AKT3: variants seen among roughly 807,000 people sequenced by gnomAD.
AKT3 encodes the protein RAC-gamma serine/threonine-protein kinase.
In AKT3, 15 loss-of-function variants were observed where a neutral mutation model predicts 65.3. The ratio of observed to expected loss-of-function variants is 0.23; its 90% CI spans 0.15 to 0.35. The LOEUF (loss-of-function observed/expected upper bound fraction) is 0.35. Among genes scored for constraint, AKT3 ranks in the 10% least tolerant of loss-of-function variants. The probability of loss-of-function intolerance (pLI) is 1.00; values close to 1 mark genes in which losing one functional copy is unlikely to be tolerated. For missense variants in AKT3, 243 were observed against 576.5 expected, an observed-to-expected ratio of 0.42 and a Z score of 5.92; for synonymous variants, 206 against 183.8, an observed-to-expected ratio of 1.12 and a Z score of -0.98.
At chr1:243,832,160 A>AAAAAAAT (rs1572424209) in intron 2 of AKT3, among the ~76,000 whole-genome samples, 1 of 84,536 alleles carries the variant, frequency 1.2e-5, no homozygotes, top group East Asian at 3.3e-4. Context: ...AAAAAAAAAA[A>AAAAAAAT]AAAAGACTAG....
At chr1:243,609,180 T>A (rs1677672806) in intron 8 of AKT3, among the ~76,000 whole-genome samples, 1 of 151,882 alleles carries the variant, frequency 6.6e-6, no homozygotes, top group African/African-American at 2.4e-5. Flanking sequence ...CCAGTCATGA[T>A]AAATCAAGAA....
At chr1:243,524,790 A>G (rs1167964194) in intron 12 of AKT3, among the ~76,000 whole-genome samples, 2 of 152,204 alleles carry the variant, frequency 1.3e-5, no homozygotes, top group African/African-American at 4.8e-5. Context: ...CCTCCTCCAT[A>G]TAACTGTAAC....
intron 8 of AKT3, among the ~76,000 whole-genome samples, chr1:243,581,793 C>A (rs763999651): frequency 1.3e-5 from 2 of 151,542 alleles, no homozygotes; most frequent in Non-Finnish European, 2.9e-5. Context: ...GTAGGGATTG[C>A]AGTAAGCCCA....
rs192979757 is a variant in AKT3 at position 243,501,424 on chromosome 1, G to C, written c.*3825C>G. 3.0e-5 allele frequency: 7 copies of C among 233,110 alleles called. No homozygotes were observed. The highest frequency in any genetic ancestry group is 1.7e-4 in the Admixed American group (3 of 17,786). The allele number at this position is 233,110 out of a possible 1,614,324, so 14.4% of individuals were successfully genotyped here. The stretch of plus-strand genomic sequence containing the variant: ...CTGGGTCCAAACCGTGTGTTGTATA[G>C]ATGATTCGGGTCTGAATGTCCCCAG... On this transcript the variant is annotated 3_prime_UTR_variant, in exon 14 of 14. Transcript: ENST00000673466.
At position 243,847,959 on chromosome 1, in the gene AKT3, T is replaced by C. The variant is rs949296497; in HGVS notation, c.-113+2081A>G. 6.6e-5 allele frequency among the ~76,000 whole-genome samples: 10 copies of C among 152,284 alleles called. No homozygotes were observed. In the South Asian group the frequency reaches 1.5e-3, roughly 22 times the overall value. ...AAACAATTCACTCCAGTAATAATTA[T>C]GGAAAGAAAACCAAATGAATACAAA... On this transcript the variant is annotated intron_variant, in intron 1 of 13. Coordinates refer to ENST00000673466, the MANE Select transcript of AKT3 (RefSeq NM_005465.7).
At chr1:243,638,744 C>CT (rs939471824) in intron 5 of AKT3, among the ~76,000 whole-genome samples, 3 of 150,982 alleles carry the variant, frequency 2.0e-5, no homozygotes, top group Non-Finnish European at 1.5e-5. Context: ...CCTTTTATAA[C>CT]TTTTTTTTTC....
At chr1:243,845,599 A>AAAAAAAAAAAAG (rs1056722848) in intron 1 of AKT3, among the ~76,000 whole-genome samples, 3 of 146,524 alleles carry the variant, frequency 2.0e-5, no homozygotes, top group Non-Finnish European at 4.5e-5. Flanking sequence ...AAAAAAAAAA[A>AAAAAAAAAAAAG]AAAAGAAAAG....
rs991499743 is a variant in AKT3, at chr1:243,748,846, G to A, written c.47-53130C>T. On this transcript the variant is annotated intron_variant, in intron 2 of 13. Transcript: ENST00000673466. ...CTTTCAAAGCCCCAATCTTGAGTAC[G>A]TGTCAAGGTTAGCCTTACCATACGA... Among the ~76,000 whole-genome samples, 17 of 152,206 alleles carry A rather than the reference G, an allele frequency of 1.1e-4. 1 individual carries two copies. The East Asian group carries it at 1.7e-3, about 16-fold the overall frequency.
intron 2 of AKT3, among the ~76,000 whole-genome samples, chr1:243,805,731 T>C: frequency 6.6e-6 from 1 of 152,204 alleles, no homozygotes; most frequent in East Asian, 1.9e-4. Flanking sequence ...CCATTTTAGC[T>C]CTCTTGCTGT....
intron 5 of AKT3, among the ~76,000 whole-genome samples, chr1:243,638,503 CT>C (rs1680139771): frequency 6.6e-6 from 1 of 152,140 alleles, no homozygotes; most frequent in Admixed American, 6.6e-5. Context: ...AACTTCCAAA[CT>C]TTTGAAGGCA....
At position 243,657,418 on chromosome 1, in the gene AKT3, CTT is replaced by C. The variant is rs944853040; in HGVS notation, c.284+7352_284+7353del. Among the ~76,000 whole-genome samples, 10 of 152,082 alleles carry C rather than the reference CTT, an allele frequency of 6.6e-5. 1 individual carries two copies. Among genetic ancestry groups the C allele is most frequent in the Admixed American group, 2.0e-4 (3 of 15,274 alleles). On this transcript the variant is annotated intron_variant, in intron 4 of 13. Transcript: ENST00000673466. ...CAAAAGCATAAAAAAGAATAAAGTA[CTT>C]TAGGAATAAACTTAACCAAGAAGGT...
At chr1:243,663,658 G>C (rs1034896307) in intron 4 of AKT3, among the ~76,000 whole-genome samples, 1 of 152,112 alleles carries the variant, frequency 6.6e-6, no homozygotes, top group Non-Finnish European at 1.5e-5. Flanking sequence ...CTGATCAAAA[G>C]TGTTATTAAA....
chr1:243,823,698 G>C (rs1400301081), intron 2 of AKT3, among the ~76,000 whole-genome samples: 1 of 152,018 alleles, frequency 6.6e-6, no homozygotes, highest in East Asian at 1.9e-4. Context: ...AAATACATAG[G>C]AATAGAGCTA....
chr1:243,682,847 T>C (rs1351882430), intron 3 of AKT3, among the ~76,000 whole-genome samples: 2 of 152,190 alleles, frequency 1.3e-5, no homozygotes, highest in African/African-American at 4.8e-5. Flanking sequence ...CTCCAAACAA[T>C]CTCAATGTCC....
intron 8 of AKT3, among the ~76,000 whole-genome samples, chr1:243,586,916 G>A (rs553529114): frequency 1.3e-4 from 20 of 151,130 alleles, no homozygotes; most frequent in Non-Finnish European, 2.7e-4. Context: ...ATAATGAAGG[G>A]AAAATCCAGT....
intron 2 of AKT3, among the ~76,000 whole-genome samples, chr1:243,742,266 A>T (rs1332510150): frequency 2.0e-5 from 3 of 152,132 alleles, no homozygotes; most frequent in South Asian, 4.1e-4. Flanking sequence ...AAATTTTTTT[A>T]AAAAAGCAAA....
At chr1:243,627,560 G>T (rs987960175) in intron 6 of AKT3, among the ~76,000 whole-genome samples, 1 of 152,164 alleles carries the variant, frequency 6.6e-6, no homozygotes, top group Non-Finnish European at 1.5e-5. Context: ...ATACTACACT[G>T]ATGACATTAT....
chr1:243,815,041 G>C (rs1252326161), intron 2 of AKT3, among the ~76,000 whole-genome samples: 1 of 152,166 alleles, frequency 6.6e-6, no homozygotes, highest in East Asian at 1.9e-4. Context: ...CACATCTTCA[G>C]CTTGATCTGT....
intron 4 of AKT3, among the ~76,000 whole-genome samples, chr1:243,652,077 C>T (rs897662154): frequency 4.1e-5 from 6 of 146,304 alleles, no homozygotes; most frequent in African/African-American, 1.3e-4. Context: ...GAGACGGAGT[C>T]TCACTCTGTC....
Sources: gnomAD v4.1 joint callset for allele counts (sites outside exome capture counted in the v4.1 genomes callset) on GRCh38, gnomAD v4.1.1 for gene constraint, MANE v1.5 for transcripts, NCBI Gene and HGNC (gene_info 2026-07-23, HGNC 2026-07-21) for gene names.